The following FHIT variants were observed in gnomAD, a reference collection of about 807,000 sequenced individuals.
FHIT encodes the protein bis(5'-adenosyl)-triphosphatase.
FHIT carries 19 observed loss-of-function variants against 17.9 expected under a neutral mutation model. The ratio of observed to expected loss-of-function variants is 1.06; its 90% CI spans 0.74 to 1.56. The LOEUF (loss-of-function observed/expected upper bound fraction) is 1.56. Ranked by LOEUF, FHIT falls within the 40% of genes most tolerant of loss-of-function variation. FHIT has a pLI of 0.00. For synonymous variants in FHIT, 81 were observed against 69.7 expected, an observed-to-expected ratio of 1.16 and a Z score of -0.81; for missense variants, 248 against 189.2, an observed-to-expected ratio of 1.31 and a Z score of -1.82.
intron 5 of FHIT, among the ~76,000 whole-genome samples, chr3:60,050,547 C>CTA (rs1701830078): frequency 6.6e-6 from 1 of 152,078 alleles, no homozygotes; most frequent in South Asian, 2.1e-4. Flanking sequence ...GCATAAAATA[C>CTA]TATATATATA....
rs543690981 is a variant in FHIT, at chr3:60,546,860, T to A, written c.-17-9881A>T. Among the ~76,000 whole-genome samples the A allele has an allele frequency of 5.9e-5, 9 of 151,932 alleles. No homozygotes were observed. The East Asian group carries it at 1.6e-3, about 26-fold the overall frequency. On this transcript the variant is annotated intron_variant, in intron 4 of 9. Coordinates refer to ENST00000492590, the MANE Select transcript of FHIT (RefSeq NM_002012.4). Reference sequence around the variant, plus strand: ...GCCACATGATGTAGGTACCCTTAAATACTAATAGTTTTCTCTCTTTCCCTA... The same window carrying A: ...GCCACATGATGTAGGTACCCTTAAAAACTAATAGTTTTCTCTCTTTCCCTA...
At chr3:60,928,366 T>TCA (rs1559838745) in intron 3 of FHIT, among the ~76,000 whole-genome samples, 1 of 89,226 alleles carries the variant, frequency 1.1e-5, no homozygotes, top group African/African-American at 4.8e-5. Flanking sequence ...TGAAAGAACT[T>TCA]TAAAAAAAAA....
intron 2 of FHIT, among the ~76,000 whole-genome samples, chr3:61,193,344 G>C (rs1015075497): frequency 2.6e-5 from 4 of 152,112 alleles, no homozygotes; most frequent in African/African-American, 9.7e-5. Context: ...TTTTGATCGG[G>C]ATAGTGATGG....
chr3:60,802,623 T>TTGTTTTG (rs1553732644), intron 4 of FHIT, among the ~76,000 whole-genome samples: 1 of 152,178 alleles, frequency 6.6e-6, no homozygotes, highest in African/African-American at 2.4e-5. Flanking sequence ...TTTTTGTTTT[T>TTGTTTTG]TAATAAAAGC....
chr3:61,120,532 G>A (rs2036426301), intron 2 of FHIT, among the ~76,000 whole-genome samples: 1 of 152,112 alleles, frequency 6.6e-6, no homozygotes, highest in Non-Finnish European at 1.5e-5. Flanking sequence ...GGCAGTCTCA[G>A]CAAGCTAACC....
At chr3:60,256,810 T>C (rs1706018600) in intron 5 of FHIT, among the ~76,000 whole-genome samples, 1 of 152,180 alleles carries the variant, frequency 6.6e-6, no homozygotes, top group Non-Finnish European at 1.5e-5. Context: ...CTCTAGTTTC[T>C]TTCTCTTCAA....
At chr3:60,467,618 T>G (rs576128495) in intron 5 of FHIT, among the ~76,000 whole-genome samples, 1 of 152,168 alleles carries the variant, frequency 6.6e-6, no homozygotes, top group Non-Finnish European at 1.5e-5. Context: ...TTCCATGTGT[T>G]TGTATAATTT....
At chr3:60,807,488 C>G (rs529251412) in intron 4 of FHIT, among the ~76,000 whole-genome samples, 1 of 152,076 alleles carries the variant, frequency 6.6e-6, no homozygotes, top group East Asian at 1.9e-4. Context: ...ACTTATGAAG[C>G]TGAGGTGGGA....
At chr3:59,906,210 A>T (rs1575674680) in intron 8 of FHIT, among the ~76,000 whole-genome samples, 1 of 152,362 alleles carries the variant, frequency 6.6e-6, no homozygotes, top group East Asian at 1.9e-4. Flanking sequence ...TGGACACCAT[A>T]GCCCCAAGGA....
At chr3:60,396,140 G>A (rs543835155) in intron 5 of FHIT, among the ~76,000 whole-genome samples, 1 of 152,182 alleles carries the variant, frequency 6.6e-6, no homozygotes, top group African/African-American at 2.4e-5. Context: ...GTCTACCTCT[G>A]GTGCCTACTG....
chr3:60,711,540 A>G (rs1403866172), intron 4 of FHIT, among the ~76,000 whole-genome samples: 10 of 152,314 alleles, frequency 6.6e-5, no homozygotes, highest in South Asian at 4.1e-4. Flanking sequence ...AAATTTAGAC[A>G]AATGTATAAC....
intron 4 of FHIT, among the ~76,000 whole-genome samples, chr3:60,735,927 A>G (rs782421073): frequency 3.3e-5 from 5 of 152,246 alleles, no homozygotes; most frequent in Non-Finnish European, 5.9e-5. Context: ...TACCTCATGC[A>G]GGTACCCTAA....
intron 4 of FHIT, among the ~76,000 whole-genome samples, chr3:60,576,946 G>A (rs1054509811): frequency 9.2e-5 from 3 of 32,742 alleles, no homozygotes; most frequent in African/African-American, 1.4e-4. Flanking sequence ...GCATCCATTT[G>A]CATACACACA....
intron 2 of FHIT, among the ~76,000 whole-genome samples, chr3:61,070,091 A>C (rs2034752349): frequency 6.6e-6 from 1 of 152,060 alleles, no homozygotes; most frequent in Admixed American, 6.6e-5. Flanking sequence ...ACGGGGTTTC[A>C]CCATGTTGGC....
chr3:59,818,978 T>A (rs1391451710), intron 8 of FHIT, among the ~76,000 whole-genome samples: 1 of 152,230 alleles, frequency 6.6e-6, no homozygotes, highest in Admixed American at 6.5e-5. Flanking sequence ...AAAATCGCAA[T>A]GCAGAGAAGA....
At chr3:60,695,299 A>G (rs932084608) in intron 4 of FHIT, among the ~76,000 whole-genome samples, 34 of 152,204 alleles carry the variant, frequency 2.2e-4, no homozygotes, top group African/African-American at 7.7e-4. Flanking sequence ...GGGAGGCTGA[A>G]GCAGGAGAAT....
intron 3 of FHIT, among the ~76,000 whole-genome samples, chr3:60,962,350 T>C (rs1709497804): frequency 6.6e-6 from 1 of 152,226 alleles, no homozygotes. Context: ...TGGGGATTTC[T>C]AAATGTACAG....
At position 60,672,879 on chromosome 3, in the gene FHIT, G is replaced by A. The variant is rs1004488800; in HGVS notation, c.-17-135900C>T. 3.8e-3 allele frequency among the ~76,000 whole-genome samples: 563 copies of A among 150,000 alleles called. 6 individuals carry two copies. Among genetic ancestry groups the A allele is most frequent in the African/African-American group, 0.013 (543 of 40,748 alleles). ...TTAATTATACCTCTTTGTAGCGTGT[G>A]TGTGTGTGTGTGTGTGTGTGTGTGT... On this transcript the variant is annotated intron_variant, in intron 4 of 9. Coordinates refer to ENST00000492590, the MANE Select transcript of FHIT (RefSeq NM_002012.4).
At chr3:60,418,217 A>G (rs1232294976) in intron 5 of FHIT, among the ~76,000 whole-genome samples, 1 of 151,840 alleles carries the variant, frequency 6.6e-6, no homozygotes, top group Admixed American at 6.6e-5. Context: ...TAAAACTGCA[A>G]AAGTCAGAAA....
Sources: allele counts gnomAD v4.1 joint callset (sites outside exome capture counted in the v4.1 genomes callset), GRCh38; gene constraint gnomAD v4.1.1; transcripts MANE v1.5; gene names NCBI Gene and HGNC (gene_info 2026-07-23, HGNC 2026-07-21).